Variants in LAMA3 observed in about 807,000 individuals in gnomAD.
The protein encoded by LAMA3 is laminin subunit alpha 3, also known as laminin subunit alpha-3.
Under a neutral mutation model 402.0 loss-of-function variants are expected in LAMA3, and 281 were observed. The observed-to-expected ratio is 0.70, with a 90% CI of 0.63 to 0.77. The LOEUF is 0.77. Among genes scored for constraint, LAMA3 ranks in the 30% least tolerant of loss-of-function variants. LAMA3 has a pLI of 0.00. For synonymous variants in LAMA3, 1,431 were observed against 1,558.4 expected (o/e 0.92, Z 1.93); for missense variants, 3,840 against 4,215.5 (o/e 0.91, Z 2.47).
At position 23,881,950 on chromosome 18, in the gene LAMA3, C is replaced by T; in HGVS notation, c.5127C>T (p.Asn1709=). 6.2e-7 allele frequency: 1 copy of T among 1,613,570 alleles called. No homozygotes were observed. The highest frequency in any genetic ancestry group is 8.5e-7 in the Non-Finnish European group (1 of 1,179,528). The change falls in exon 40 of 75, where the codon AAC becomes AAT. Residue 1709 remains asparagine (N), a synonymous_variant. Coordinates refer to ENST00000313654, the MANE Select transcript of LAMA3 (RefSeq NM_198129.4). ...GSGICVNCQH[N]TAGEHCERCQ... is the part of the protein sequence containing the mutation. ...CCTGTCCCCAGAACTGTCAGCACAA[C>T]ACCGCGGGAGAGCACTGTGAACGCT...
rs1403184576 is a variant in LAMA3, at chr18:23,689,939, G to C, written c.256G>C (p.Gly86Arg). ...GCCCGAGCTCTACTGCAAGTTGGTC[G>C]GGGGCCCCACCGCCCCAGGCAGCGG... ...PQPELYCKLV[G>R]GPTAPGSGHT... The change falls in exon 1 of 75, where the codon GGG becomes CGG. Residue 86 changes from glycine to arginine, a missense_variant. Around this residue, in one of 3 missense-constraint regions of LAMA3, gnomAD observed 2,109 missense variants for 2,376.0 expected, o/e 0.89. Transcript: ENST00000313654. 3 of 1,523,534 alleles carry C rather than the reference G, an allele frequency of 2.0e-6. No individual in the cohort carries two copies. The highest frequency in any genetic ancestry group is 2.6e-5 in the East Asian group (1 of 38,320). The allele number at this position is 1,523,534 out of a possible 1,614,324, so 94.4% of individuals were successfully genotyped here.
At chr18:23,915,604 G>C (rs575151254) in intron 59 of LAMA3, among the ~76,000 whole-genome samples, 182 bp downstream of exon 59, 1 of 152,238 alleles carries the variant, frequency 6.6e-6, no homozygotes, top group Admixed American at 6.5e-5. Context: ...TCTAATTATG[G>C]TAGTCTCTTC....
chr18:23,737,428 G>T (rs575871413), intron 2 of LAMA3, among the ~76,000 whole-genome samples: 20 of 152,240 alleles, frequency 1.3e-4, no homozygotes, highest in African/African-American at 4.1e-4. Flanking sequence ...ACCTTTCATA[G>T]CCCCCCTGCC....
In LAMA3 at chr18:23,787,891, A is replaced by G. The variant is rs1042940562; in HGVS notation, c.1603+3734A>G. On this transcript the variant is annotated intron_variant, in intron 12 of 74. Coordinates refer to ENST00000313654, the MANE Select transcript of LAMA3 (RefSeq NM_198129.4). ...AATTTGAATAACATGTAAAAATTAC[A>G]AAAGAGAGTATAATTGAATATTTTT... is the stretch of plus-strand genomic sequence containing the variant. Among the ~76,000 whole-genome samples, 2 of 152,190 alleles carry G rather than the reference A, an allele frequency of 1.3e-5. 1 individual carries two copies. Among genetic ancestry groups the G allele is most frequent in the Non-Finnish European group, 2.9e-5 (2 of 68,002 alleles).
Position 23,689,827 on chromosome 18 carries a change from C to T in LAMA3, c.144C>T (p.His48=), listed in dbSNP as rs1426485003. 23 of 1,551,504 alleles carry T rather than the reference C, an allele frequency of 1.5e-5. No homozygotes were observed. The highest frequency in any genetic ancestry group is 2.5e-5 in the East Asian group (1 of 40,808). Residue 48 remains histidine (H), a synonymous_variant, in exon 1 of 75, where the codon CAC becomes CAT. Coordinates refer to ENST00000313654, the MANE Select transcript of LAMA3 (RefSeq NM_198129.4). ...GGGCCGCGGCCGGGCTCAGCCTTCA[C>T]CCGACTTACTTCAACCTGGCCGAGG... is the stretch of plus-strand genomic sequence containing the variant. ...DPGAAAGLSL[H]PTYFNLAEAA...
intron 67 of LAMA3, among the ~76,000 whole-genome samples, chr18:23,935,112 C>T (rs1391187693): frequency 6.6e-6 from 1 of 152,102 alleles, no homozygotes; most frequent in African/African-American, 2.4e-5. Context: ...CTGGAGAGAG[C>T]AAATGGATTC....
intron 23 of LAMA3, among the ~76,000 whole-genome samples, chr18:23,833,361 C>A (rs910621460): frequency 6.7e-6 from 1 of 150,046 alleles, no homozygotes; most frequent in African/African-American, 2.5e-5. Flanking sequence ...GTGTGTTTTA[C>A]ATTATTTCCC....
At chr18:23,732,594 G>A (rs561309294) in intron 2 of LAMA3, among the ~76,000 whole-genome samples, 29 of 152,192 alleles carry the variant, frequency 1.9e-4, no homozygotes, top group Admixed American at 4.6e-4. Context: ...TGCAGGGTGC[G>A]CAGGTTTTCA....
At chr18:23,782,454 G>A (rs1191751923) in intron 11 of LAMA3, among the ~76,000 whole-genome samples, 1 of 152,142 alleles carries the variant, frequency 6.6e-6, no homozygotes, top group East Asian at 1.9e-4. Context: ...TCGGGAGGCT[G>A]AGGCATGATA....
intron 1 of LAMA3, among the ~76,000 whole-genome samples, chr18:23,707,681 C>T (rs1419251639): frequency 6.6e-6 from 1 of 151,572 alleles, no homozygotes; most frequent in African/African-American, 2.4e-5. Context: ...ATTTATTTTT[C>T]GTAGAGACAA....
rs1263559827 is a variant in LAMA3, at chr18:23,838,815, C to T, written c.3128C>T (p.Ser1043Leu). ...TGTATCATACCTATTGAAGAATTCT[C>T]AGCTGAGTATGTGAGACCACAAGTC... is the stretch of plus-strand genomic sequence containing the variant. Reference protein sequence around the residue: ...QVCIIPIEEFSAEYVRPQVHC... With the variant: ...QVCIIPIEEFLAEYVRPQVHC... Residue 1043 changes from serine to leucine, a missense_variant, in exon 26 of 75, where the codon TCA (serine) becomes TTA (leucine). Ser to Leu is a moderately radical substitution (Grantham distance 145). Around this residue, in one of 3 missense-constraint regions of LAMA3, gnomAD observed 2,109 missense variants for 2,376.0 expected, o/e 0.89. Coordinates refer to ENST00000313654, the MANE Select transcript of LAMA3 (RefSeq NM_198129.4). The T allele has an allele frequency of 1.2e-6, 2 of 1,611,906 alleles. No individual in the cohort carries two copies. The highest frequency in any genetic ancestry group is 1.7e-6 in the Non-Finnish European group (2 of 1,177,974).
chr18:23,813,341 G>C (rs1003542036), intron 14 of LAMA3, among the ~76,000 whole-genome samples: 2 of 151,480 alleles, frequency 1.3e-5, no homozygotes, highest in African/African-American at 4.9e-5. Flanking sequence ...AACTCTTACT[G>C]CAGGTTTGTA....
Position 23,905,535 on chromosome 18 carries a change from A to G in LAMA3, c.6629A>G (p.Glu2210Gly), listed in dbSNP as rs2081213642. The change falls in exon 52 of 75, where the codon GAA becomes GGA. Residue 2210 changes from glutamate (E) to glycine (G), a missense_variant. This residue lies in a region of LAMA3 where 891 missense variants were observed against 857.5 expected (regional missense o/e 1.04). Transcript: ENST00000313654. ...SESALQTVIK[E>G]DLPRKAKTLS... is the part of the protein sequence containing the mutation. Reference sequence around the variant, plus strand: ...CTTTGCTTTCAGACAGTGATAAAGGAAGATCTGCCAAGAAAAGCTAAAACC... The same window carrying G: ...CTTTGCTTTCAGACAGTGATAAAGGGAGATCTGCCAAGAAAAGCTAAAACC... The G allele has an allele frequency of 6.3e-7, 1 of 1,599,410 alleles. No homozygotes were observed. The highest frequency in any genetic ancestry group is 1.3e-5 in the African/African-American group (1 of 74,650).
rs776429888 is a variant in LAMA3, at chr18:23,907,933, C to T, written c.7013C>T (p.Ser2338Leu). ...AAGGCTCTGACTGATGCAGATAACT[C>T]GGGTATCAGGCGATCTCTGGCCAGG... is the stretch of plus-strand genomic sequence containing the variant. The part of the protein sequence containing the change: ...FKKALTDADN[S>L]VNKLTNKLPD... Residue 2338 changes from serine (S) to leucine (L), a missense_variant and splice_region_variant, in exon 54 of 75, where the codon TCG becomes TTG. Ser to Leu is a moderately radical substitution (Grantham distance 145, BLOSUM62 -2). Coordinates refer to ENST00000313654, the MANE Select transcript of LAMA3 (RefSeq NM_198129.4). 88 of 1,613,424 alleles carry T rather than the reference C, an allele frequency of 5.5e-5. No individual in the cohort carries two copies. Among genetic ancestry groups the T allele is most frequent in the South Asian group, 4.9e-4 (45 of 90,992 alleles).
At chr18:23,896,637 T>C (rs865821551) in intron 44 of LAMA3, among the ~76,000 whole-genome samples, 2 of 152,170 alleles carry the variant, frequency 1.3e-5, no homozygotes, top group Middle Eastern at 6.8e-3. Flanking sequence ...GCTGTGCCCA[T>C]GAATGGGGGC....
At chr18:23,729,334 T>C (rs2061353062) in intron 2 of LAMA3, among the ~76,000 whole-genome samples, 1 of 152,190 alleles carries the variant, frequency 6.6e-6, no homozygotes, top group South Asian at 2.1e-4. Context: ...CTTCCTTACT[T>C]ATGTCTGCCC....
chr18:23,920,135 T>C (rs972008044), intron 60 of LAMA3, among the ~76,000 whole-genome samples: 1 of 152,170 alleles, frequency 6.6e-6, no homozygotes, highest in African/African-American at 2.4e-5. Context: ...GTGTGTGCCC[T>C]GCACACGTGC....
intron 2 of LAMA3, among the ~76,000 whole-genome samples, chr18:23,725,781 A>G: frequency 6.6e-6 from 1 of 152,222 alleles, no homozygotes; most frequent in East Asian, 1.9e-4. Flanking sequence ...TGTAGCCTCC[A>G]GATAAGGGTG....
chr18:23,875,548 T>C (rs1404738048), intron 38 of LAMA3, among the ~76,000 whole-genome samples: 1 of 151,970 alleles, frequency 6.6e-6, no homozygotes, highest in Non-Finnish European at 1.5e-5. Context: ...TCATGCACGC[T>C]CCCCTCCCCT....
Sources: gnomAD v4.1 joint callset for allele counts (sites outside exome capture counted in the v4.1 genomes callset) on GRCh38, gnomAD v4.1.1 for gene constraint, gnomAD v4.1.1 regional missense constraint, MANE v1.5 for transcripts, NCBI Gene and HGNC (gene_info 2026-07-23, HGNC 2026-07-21) for gene names.